Variants in CAPS2 observed in about 807,000 individuals in gnomAD.
CAPS2 encodes the protein calcyphosin-2.
Under a neutral mutation model 86.5 loss-of-function variants are expected in CAPS2, and 98 were observed. The observed-to-expected ratio is 1.13, with a 90% CI of 0.96 to 1.34. The LOEUF (loss-of-function observed/expected upper bound fraction) is 1.34. CAPS2 is among the 40% of genes most tolerant of loss of function. The pLI, the probability that CAPS2 is intolerant of heterozygous loss-of-function variation, is 0.00. For missense variants in CAPS2, 729 were observed against 686.8 expected (o/e 1.06, Z -0.69); for synonymous variants, 210 against 225.1 (o/e 0.93, Z 0.60).
intron 4 of CAPS2, among the ~76,000 whole-genome samples, chr12:75,321,789 C>T (rs2040329183): frequency 6.6e-6 from 1 of 152,102 alleles, no homozygotes; most frequent in Admixed American, 6.5e-5. Flanking sequence ...GGAATGGGCA[C>T]TTACCTTAAA....
intron 9 of CAPS2, 23 bp downstream of exon 9, chr12:75,299,814 A>C: frequency 3.1e-6 from 4 of 1,271,322 alleles, no homozygotes; most frequent in Middle Eastern, 1.9e-4. Flanking sequence ...TAGGATTAAA[A>C]ATTTTAATAA....
intron 1 of CAPS2, among the ~76,000 whole-genome samples, chr12:75,380,958 A>G (rs1593933349): frequency 6.6e-6 from 1 of 152,324 alleles, no homozygotes; most frequent in East Asian, 1.9e-4. Flanking sequence ...TACAGAAGTA[A>G]TGTACATTCA....
intron 7 of CAPS2, among the ~76,000 whole-genome samples, chr12:75,305,163 T>C (rs1484977680): frequency 6.6e-6 from 1 of 152,148 alleles, no homozygotes; most frequent in Non-Finnish European, 1.5e-5. Context: ...ACAGTGCTGG[T>C]TTCTGATCAT....
chr12:75,298,300 TA>T (rs575986305), intron 11 of CAPS2: 2 of 179,344 alleles, frequency 1.1e-5, no homozygotes, highest in East Asian at 2.8e-4. Flanking sequence ...CAGAGGCCCA[TA>T]CCCCTTCACA....
intron 5 of CAPS2, among the ~76,000 whole-genome samples, chr12:75,320,711 G>C (rs1565899150): frequency 1.3e-5 from 2 of 151,778 alleles, no homozygotes; most frequent in African/African-American, 4.8e-5. Flanking sequence ...CTTATAGAAA[G>C]TTAACTGAAT....
At chr12:75,334,759 T>C (rs543052290), upstream of CAPS2, 12 of 1,614,120 alleles carry the variant, frequency 7.4e-6, no homozygotes, top group South Asian at 2.2e-5. Context: ...CAGTTGTTTA[T>C]GGATCTTGGG....
At chr12:75,336,788 C>T (rs2041764547) in intron 1 of CAPS2, among the ~76,000 whole-genome samples, 1 of 151,702 alleles carries the variant, frequency 6.6e-6, no homozygotes, top group Non-Finnish European at 1.5e-5. Flanking sequence ...ACCTAATTGA[C>T]ATTAAACAAT....
intron 8 of CAPS2, 59 bp from the exon 9 acceptor site, chr12:75,299,970 T>G (rs914157166): frequency 7.3e-6 from 5 of 684,744 alleles, no homozygotes; most frequent in African/African-American, 5.6e-5. Flanking sequence ...TGATGGAAAT[T>G]GTAAATGTAC....
At chr12:75,282,737 T>C (rs2034202820) in intron 15 of CAPS2, among the ~76,000 whole-genome samples, 1 of 152,180 alleles carries the variant, frequency 6.6e-6, no homozygotes, top group South Asian at 2.1e-4. Context: ...AATCTAATAT[T>C]CTATTTTACA....
chr12:75,282,033 C>A (rs367743007), intron 16 of CAPS2, among the ~76,000 whole-genome samples: 117 of 152,098 alleles, frequency 7.7e-4, no homozygotes, highest in Middle Eastern at 3.4e-3. Flanking sequence ...GAAATGAGTT[C>A]TATATTGATA....
intron 1 of CAPS2, among the ~76,000 whole-genome samples, chr12:75,346,603 C>A (rs1394490717): frequency 1.3e-5 from 2 of 152,158 alleles, no homozygotes; most frequent in African/African-American, 4.8e-5. Flanking sequence ...GTTGGCCAGG[C>A]TGACCTCGAA....
At chr12:75,293,482 G>A in intron 11 of CAPS2, 115 bp from the exon 12 acceptor site, 1 of 706,780 alleles carries the variant, frequency 1.4e-6, no homozygotes. Context: ...TTTAACAAGG[G>A]TAAGAAGTAT....
At chr12:75,325,214 C>T in intron 2 of CAPS2, 25 bp downstream of exon 3, 1 of 1,545,540 alleles carries the variant, frequency 6.5e-7, no homozygotes, top group Non-Finnish European at 8.7e-7. Flanking sequence ...ATTAAACAGT[C>T]CAAATGTGAA....
intron 1 of CAPS2, among the ~76,000 whole-genome samples, chr12:75,370,892 A>G (rs910810462): frequency 6.6e-6 from 1 of 152,214 alleles, no homozygotes; most frequent in African/African-American, 2.4e-5. Context: ...TATTTAATAA[A>G]TTCAGTTTTC....
At chr12:75,369,222 A>G (rs2044194190) in intron 1 of CAPS2, among the ~76,000 whole-genome samples, 1 of 151,934 alleles carries the variant, frequency 6.6e-6, no homozygotes, top group African/African-American at 2.4e-5. Context: ...CATTTTAGCT[A>G]TTACTATAAT....
chr12:75,379,261 C>G (rs934721973), intron 1 of CAPS2, among the ~76,000 whole-genome samples: 5 of 152,192 alleles, frequency 3.3e-5, no homozygotes, highest in African/African-American at 1.2e-4. Flanking sequence ...TAGGAACTTT[C>G]AAGTTGTGAC....
chr12:75,325,448 A>G (rs2040677967), intron 1 of CAPS2, 160 bp from the exon 3 acceptor site: 1 of 258,236 alleles, frequency 3.9e-6, no homozygotes. Context: ...ACTGTGCTTG[A>G]GACACAGATA....
At chr12:75,347,902 G>A (rs907456380) in intron 1 of CAPS2, among the ~76,000 whole-genome samples, 4 of 151,926 alleles carry the variant, frequency 2.6e-5, no homozygotes, top group Admixed American at 2.6e-4. Context: ...CTTACTTAAA[G>A]AAAAATTATA....
In CAPS2 at chr12:75,336,203, A is replaced by G. The variant is rs142330457; in HGVS notation, c.-394-12981T>C. Among the ~76,000 whole-genome samples, 8 of 152,086 alleles carry G rather than the reference A, an allele frequency of 5.3e-5. No individual in the cohort carries two copies. In the East Asian group the frequency reaches 1.5e-3, roughly 29 times the overall value. On this transcript the variant is annotated intron_variant, in intron 1 of 5. Transcript: ENST00000551829. ...TTTAATATCTAGGATAACCATTAAA[A>G]ATATACAAAGAAGTAGAGCTAAAAA...
Sources: gnomAD v4.1 joint callset for allele counts (sites outside exome capture counted in the v4.1 genomes callset) on GRCh38, gnomAD v4.1.1 for gene constraint, MANE v1.5 for transcripts, NCBI Gene and HGNC (gene_info 2026-07-23, HGNC 2026-07-21) for gene names.